The following SELENOT variants were observed in gnomAD, a reference collection of about 807,000 sequenced individuals.
SELENOT encodes the protein thioredoxin reductase-like selenoprotein T.
Under a neutral mutation model 24.3 loss-of-function variants are expected in SELENOT, and 9 were observed. The observed-to-expected ratio is 0.37, with a 90% confidence interval of 0.22 to 0.65. The LOEUF (loss-of-function observed/expected upper bound fraction) is 0.65, where lower values mean the gene tolerates loss of function less well. SELENOT is among the 30% of genes least tolerant of loss of function. The pLI is 0.60. For missense variants in SELENOT, 166 were observed against 247.6 expected, an observed-to-expected ratio of 0.67 and a Z score of 2.21; for synonymous variants, 81 against 86.0, an observed-to-expected ratio of 0.94 and a Z score of 0.32.
chr3:150,630,041 AC>A lies in SELENOT; in HGVS notation c.*2413del, dbSNP rs1726523654. 6.6e-6 allele frequency: 1 copy of A among 152,602 alleles called. No individual in the cohort carries two copies. The highest frequency in any genetic ancestry group is 2.1e-4 in the South Asian group (1 of 4,834). The allele number at this position is 152,602 out of a possible 1,614,324, so 9.5% of individuals were successfully genotyped here. Reference sequence around the variant, plus strand: ...TACATTAATAAAAAAAGTTGGTAAAACATGGTTTTATACCTCAGTGTATAAG... The same window carrying A: ...TACATTAATAAAAAAAGTTGGTAAAAATGGTTTTATACCTCAGTGTATAAG... On this transcript the variant is annotated 3_prime_UTR_variant, in exon 6 of 6. Transcript: ENST00000471696.
intron 2 of SELENOT, 100 bp downstream of exon 2, chr3:150,622,595 A>G (rs1230507375): frequency 4.1e-6 from 2 of 493,168 alleles, no homozygotes; most frequent in Non-Finnish European, 7.0e-6. Flanking sequence ...GTAATTACTT[A>G]GTTGGTTATA....
intron 4 of SELENOT, among the ~76,000 whole-genome samples, chr3:150,626,098 T>C (rs1726436564): frequency 6.6e-6 from 1 of 152,174 alleles, no homozygotes. Flanking sequence ...CTTGATCTCC[T>C]GACCCTGTGA....
chr3:150,623,703 T>G (rs1726386254), intron 3 of SELENOT, among the ~76,000 whole-genome samples: 3 of 152,118 alleles, frequency 2.0e-5, no homozygotes, highest in Admixed American at 2.0e-4. Flanking sequence ...GCTGTTTCTC[T>G]TTTCCTTTTG....
chr3:150,615,722 A>G (rs935640552), intron 1 of SELENOT, among the ~76,000 whole-genome samples: 1 of 152,222 alleles, frequency 6.6e-6, no homozygotes. Flanking sequence ...ATGGAAGAAC[A>G]TTCCATGCTC....
chr3:150,621,278 A>C (rs13062205), intron 1 of SELENOT, among the ~76,000 whole-genome samples: 47,366 of 151,398 alleles, frequency 0.31, 8,115 homozygotes, highest in East Asian at 0.5. Context: ...CACCCCCCCC[A>C]AAAAACACAG....
chr3:150,622,017 A>C lies in SELENOT; in HGVS notation c.138-368A>C, dbSNP rs74721477. 2.6e-5 allele frequency among the ~76,000 whole-genome samples: 4 copies of C among 152,130 alleles called. No homozygotes were observed. The East Asian group carries it at 7.7e-4, about 29-fold the overall frequency. On this transcript the variant is annotated intron_variant, in intron 1 of 5. Transcript: ENST00000471696. ...TTATACAAGTAATTGATACTCCCCC[A>C]AAAAGGCCAAATCTGTGTGAGAGCT...
In SELENOT at chr3:150,627,866, C is replaced by T. The variant is rs1447122900; in HGVS notation, c.*237C>T. On this transcript the variant is annotated 3_prime_UTR_variant, in exon 6 of 6. Coordinates refer to ENST00000471696, the MANE Select transcript of SELENOT (RefSeq NM_016275.5). Reference sequence around the variant, plus strand: ...CAATAATACTGTATAGCTTTCCCCACCTCCCACAAAATCACCCAGTTAATG... The same window carrying T: ...CAATAATACTGTATAGCTTTCCCCATCTCCCACAAAATCACCCAGTTAATG... 6.6e-6 allele frequency: 1 copy of T among 152,108 alleles called. No individual in the cohort carries two copies. The highest frequency in any genetic ancestry group is 1.5e-5 in the Non-Finnish European group (1 of 68,002). 9.4% of individuals were successfully genotyped at this position (152,108 alleles called of 1,614,324 possible).
At position 150,611,496 on chromosome 3, in the gene SELENOT, A is replaced by G. The variant is rs557347318; in HGVS notation, c.137+7997A>G. On this transcript the variant is annotated intron_variant, in intron 1 of 5. Transcript: ENST00000471696. ...ATAAATCAACCTCTGGGGTATCGAA[A>G]TCTTGAACAGGTGAATCACCTCCAT... is the stretch of plus-strand genomic sequence containing the variant. 2.4e-4 allele frequency: 271 copies of G among 1,141,862 alleles called. 2 individuals are homozygous for G. The South Asian group carries it at 3.2e-3, about 14-fold the overall frequency. The allele number at this position is 1,141,862 out of a possible 1,614,324, so 70.7% of individuals were successfully genotyped here.
chr3:150,627,901 G>A lies in SELENOT; in HGVS notation c.*272G>A, dbSNP rs549853566. On this transcript the variant is annotated 3_prime_UTR_variant, in exon 6 of 6. Transcript: ENST00000471696. Reference sequence around the variant, plus strand: ...AATCACCCAGTTAATGTGTGTGTGTGTTTTTTTTTTAAGGTAAACATTACT... The same window carrying A: ...AATCACCCAGTTAATGTGTGTGTGTATTTTTTTTTTAAGGTAAACATTACT... 1.3e-5 allele frequency: 2 copies of A among 149,020 alleles called. No individual in the cohort carries two copies. Among genetic ancestry groups the A allele is most frequent in the Non-Finnish European group, 3.0e-5 (2 of 67,174 alleles). The allele number at this position is 149,020 out of a possible 1,614,324, so 9.2% of individuals were successfully genotyped here. A position where few individuals can be genotyped will look rare whatever the true frequency, so the allele number is the denominator to read the frequency against.
intron 1 of SELENOT, among the ~76,000 whole-genome samples, chr3:150,608,255 T>G (rs1423997991): frequency 6.6e-6 from 1 of 152,186 alleles, no homozygotes; most frequent in Non-Finnish European, 1.5e-5. Flanking sequence ...CAAAGAAATT[T>G]TTATCTCCAA....
chr3:150,624,282 C>T (rs1726398027), intron 3 of SELENOT, among the ~76,000 whole-genome samples: 2 of 152,148 alleles, frequency 1.3e-5, no homozygotes, highest in Non-Finnish European at 2.9e-5. Context: ...TCACTGCATC[C>T]TACTTTTAGT....
At chr3:150,626,394 A>G (rs1726445930) in intron 4 of SELENOT, among the ~76,000 whole-genome samples, 1 of 152,074 alleles carries the variant, frequency 6.6e-6, no homozygotes, top group Non-Finnish European at 1.5e-5. Flanking sequence ...AACCATGTCC[A>G]TTTGCTTGTG....
intron 1 of SELENOT, chr3:150,611,576 T>C (rs1479319123): frequency 7.8e-7 from 1 of 1,282,426 alleles, no homozygotes; most frequent in African/African-American, 1.5e-5. Context: ...ATTAAGTTTT[T>C]ATGATAATCA....
At chr3:150,623,452 G>A (rs1456202749) in intron 3 of SELENOT, among the ~76,000 whole-genome samples, 1 of 151,924 alleles carries the variant, frequency 6.6e-6, no homozygotes, top group Admixed American at 6.6e-5. Context: ...ATCTGATTTT[G>A]ATTATATTAC....
At chr3:150,613,558 T>A (rs1386372388) in intron 1 of SELENOT, among the ~76,000 whole-genome samples, 1 of 152,176 alleles carries the variant, frequency 6.6e-6, no homozygotes, top group East Asian at 1.9e-4. Flanking sequence ...TGATATAAAT[T>A]GCAGTTGCAC....
At chr3:150,615,583 T>A (rs1304351259) in intron 1 of SELENOT, among the ~76,000 whole-genome samples, 1 of 152,094 alleles carries the variant, frequency 6.6e-6, no homozygotes, top group Admixed American at 6.5e-5. Context: ...AAATCATGAG[T>A]GAACTCCCAT....
intron 1 of SELENOT, among the ~76,000 whole-genome samples, chr3:150,614,084 A>G (rs933160417): frequency 3.9e-5 from 6 of 152,202 alleles, no homozygotes; most frequent in African/African-American, 1.4e-4. Context: ...TAGTGGCACC[A>G]CAGTGCCAGA....
At chr3:150,615,985 C>T (rs959758352) in intron 1 of SELENOT, among the ~76,000 whole-genome samples, 9 of 152,072 alleles carry the variant, frequency 5.9e-5, no homozygotes, top group Middle Eastern at 6.8e-3. Context: ...CAGCATGGTA[C>T]TGGTACCAAA....
rs373392366 is a variant in SELENOT at position 150,622,456 on chromosome 3, G to A, written c.209G>A (p.Arg70His). 7.5e-5 allele frequency: 112 copies of A among 1,498,694 alleles called. No homozygotes were observed. Among genetic ancestry groups the A allele is most frequent in the Non-Finnish European group, 8.0e-5 (89 of 1,114,374 alleles). 92.8% of individuals were successfully genotyped at this position (1,498,694 alleles called of 1,614,324 possible). Residue 70 changes from arginine to histidine, a missense_variant, in exon 2 of 6, where the codon CGC becomes CAC. Arg to His is a conservative substitution (Grantham distance 29). Coordinates refer to ENST00000471696, the MANE Select transcript of SELENOT (RefSeq NM_016275.5). ...RVISQRYPDI[R>H]IEGENYLPQP... ...ATTAGCCAGCGGTACCCAGACATCCGCATTGAAGGAGAGAATTACCTCCCT... is the reference window on the plus strand; with the variant it reads ...ATTAGCCAGCGGTACCCAGACATCCACATTGAAGGAGAGAATTACCTCCCT...
Sources: allele counts gnomAD v4.1 joint callset (sites outside exome capture counted in the v4.1 genomes callset), GRCh38; gene constraint gnomAD v4.1.1; transcripts MANE v1.5; gene names NCBI Gene and HGNC (gene_info 2026-07-23, HGNC 2026-07-21).